Variants in DUSP19 observed in about 807,000 individuals in gnomAD.
DUSP19 encodes dual specificity phosphatase 19, also known as dual specificity protein phosphatase 19.
In DUSP19, 14 loss-of-function variants were observed where a neutral mutation model predicts 16.6. That is an observed-to-expected ratio of 0.84 (90% CI 0.56 to 1.32). The LOEUF (loss-of-function observed/expected upper bound fraction) is 1.32, where lower values mean the gene tolerates loss of function less well. Ranked by LOEUF, DUSP19 falls within the 40% of genes most tolerant of loss-of-function variation. The pLI is 0.00. For missense variants in DUSP19, 258 were observed against 255.9 expected, an observed-to-expected ratio of 1.01 and a Z score of -0.06; for synonymous variants, 81 against 90.5, an observed-to-expected ratio of 0.90 and a Z score of 0.59.
Position 183,087,179 on chromosome 2 carries a change from A to G in DUSP19, c.413A>G (p.Glu138Gly). ...CCAGAATGTTTTGAATTTATTGAAGAAGCAAAAAGAAAAGTGAGTTTTGTT... is the reference window on the plus strand; with the variant it reads ...CCAGAATGTTTTGAATTTATTGAAGGAGCAAAAAGAAAAGTGAGTTTTGTT... The part of the protein sequence containing the change: ...YFPECFEFIE[E>G]AKRKDGVVLV... The change falls in exon 3 of 4, where the codon GAA becomes GGA. Residue 138 changes from glutamate (E) to glycine (G), a missense_variant. By Grantham distance (98) the Glu-to-Gly change is moderately conservative. Transcript: ENST00000354221. 1 of 1,612,632 alleles carries G rather than the reference A, an allele frequency of 6.2e-7. No homozygotes were observed.
chr2:183,087,641 T>C (rs6755942), intron 3 of DUSP19, among the ~76,000 whole-genome samples: 20,588 of 152,298 alleles, frequency 0.14, 1,869 homozygotes, highest in African/African-American at 0.26. Flanking sequence ...AGGCTTGTTA[T>C]TGAAGTCAAC....
At chr2:183,088,111 A>G (rs962199666) in intron 3 of DUSP19, among the ~76,000 whole-genome samples, 3 of 152,176 alleles carry the variant, frequency 2.0e-5, no homozygotes, top group Admixed American at 2.0e-4. Flanking sequence ...ATAATAATGT[A>G]TTTTTACCAT....
chr2:183,091,918 T>C (rs1161145717), intron 3 of DUSP19, among the ~76,000 whole-genome samples: 1 of 152,218 alleles, frequency 6.6e-6, no homozygotes, highest in African/African-American at 2.4e-5. Flanking sequence ...CAAAGCAGTC[T>C]ACCCATCACT....
rs190508532 is a variant in DUSP19 at position 183,086,188 on chromosome 2, A to T, written c.274-852A>T. ...GGGTATGAGACCCTGTGTTATTGAT[A>T]GTTTTTAAGAGTTCATCAGGTGACT... On this transcript the variant is annotated intron_variant, in intron 2 of 3. Coordinates refer to ENST00000354221, the MANE Select transcript of DUSP19 (RefSeq NM_080876.4). Among the ~76,000 whole-genome samples the T allele has an allele frequency of 7.0e-4, 107 of 152,196 alleles. 1 individual carries two copies. Among genetic ancestry groups the T allele is most frequent in the Middle Eastern group, 3.4e-3 (1 of 294 alleles).
chr2:183,085,651 T>C (rs973336599), intron 2 of DUSP19, among the ~76,000 whole-genome samples: 1 of 151,354 alleles, frequency 6.6e-6, no homozygotes, highest in Admixed American at 6.6e-5. Context: ...TGAGCATGTT[T>C]TAAGGCTGAT....
At chr2:183,094,588 G>A (rs958706968) in intron 3 of DUSP19, among the ~76,000 whole-genome samples, 1 of 152,070 alleles carries the variant, frequency 6.6e-6, no homozygotes, top group African/African-American at 2.4e-5. Context: ...ATCAGCATTG[G>A]TCTTGCACTG....
In DUSP19 at chr2:183,079,041, A is replaced by G. The variant is rs1349839754; in HGVS notation, c.108A>G (p.Lys36=). The G allele has an allele frequency of 3.1e-6, 5 of 1,614,056 alleles. No homozygotes were observed. The African/African-American group carries it at 5.3e-5, about 17-fold the overall frequency. Residue 36 remains lysine (K), a synonymous_variant, in exon 1 of 4, where the codon AAA becomes AAG. Coordinates refer to ENST00000354221, the MANE Select transcript of DUSP19 (RefSeq NM_080876.4). The part of the protein sequence containing the change: ...LTGKKIIETW[K]DARIHVVEEV... ...GAAAGAAAATTATAGAAACATGGAA[A>G]GATGCCAGAATTCATGTTGTGGAAG...
chr2:183,087,323 C>A (rs1025841187), intron 3 of DUSP19, 131 bp downstream of exon 3: 6 of 948,672 alleles, frequency 6.3e-6, no homozygotes, highest in Non-Finnish European at 9.0e-6. Context: ...AACAATATTT[C>A]ATTATTTCCT....
In DUSP19 at chr2:183,078,786, T is replaced by A; in HGVS notation, c.-148T>A. The A allele has an allele frequency of 1.5e-6, 1 of 668,782 alleles. No individual in the cohort carries two copies. The highest frequency in any genetic ancestry group is 2.8e-5 in the Admixed American group (1 of 35,256). 41.4% of individuals were successfully genotyped at this position (668,782 alleles called of 1,614,324 possible). A position where few individuals can be genotyped will look rare whatever the true frequency, so the allele number is the denominator to read the frequency against. ...GGATAAACGGAGCTGGACGACTCAG[T>A]CTCTTGGTCTGTGGCTGCTGCGGTT... On this transcript the variant is annotated 5_prime_UTR_variant, in exon 1 of 4. Transcript: ENST00000354221.
Position 183,095,778 on chromosome 2 carries a change from A to C in DUSP19, c.*120A>C, listed in dbSNP as rs1355779040. ...CTTTTTTCTCTTGCCTTTTTTATGC[A>C]TAAATGGAGGTCAATTTGATTGTCC... On this transcript the variant is annotated 3_prime_UTR_variant, in exon 4 of 4. Coordinates refer to ENST00000354221, the MANE Select transcript of DUSP19 (RefSeq NM_080876.4). The C allele has an allele frequency of 1.5e-6, 1 of 685,712 alleles. No individual in the cohort carries two copies. The highest frequency in any genetic ancestry group is 2.4e-6 in the Non-Finnish European group (1 of 416,736). The allele number at this position is 685,712 out of a possible 1,614,324, so 42.5% of individuals were successfully genotyped here.
At chr2:183,089,552 C>T (rs893986684) in intron 3 of DUSP19, among the ~76,000 whole-genome samples, 3 of 102,572 alleles carry the variant, frequency 2.9e-5, no homozygotes, top group Admixed American at 2.3e-4. Flanking sequence ...ACTCAGAGTA[C>T]GCCTGTCTAT....
intron 2 of DUSP19, among the ~76,000 whole-genome samples, chr2:183,085,774 G>A (rs890177912): frequency 6.8e-6 from 1 of 147,096 alleles, no homozygotes; most frequent in Non-Finnish European, 1.5e-5. Flanking sequence ...GAGCCTTATC[G>A]AAGATGCACG....
At chr2:183,091,130 TCTTATTTCC>T (rs1235646035) in intron 3 of DUSP19, among the ~76,000 whole-genome samples, 1 of 152,180 alleles carries the variant, frequency 6.6e-6, no homozygotes, top group Admixed American at 6.5e-5. Context: ...CTATAATTTA[TCTTATTTCC>T]TGCTATGAGA....
At position 183,098,143 on chromosome 2, in the gene DUSP19, C is replaced by A. The variant is rs1444342877; in HGVS notation, c.*2485C>A. On this transcript the variant is annotated 3_prime_UTR_variant, in exon 4 of 4. Coordinates refer to ENST00000354221, the MANE Select transcript of DUSP19 (RefSeq NM_080876.4). ...CTCCTGACCGCAAGTGATCCACACG[C>A]CTTGGTCTCCCAAAGTGCTGGGATT... The A allele has an allele frequency of 2.0e-5, 3 of 152,224 alleles. No homozygotes were observed. The highest frequency in any genetic ancestry group is 1.9e-4 in the East Asian group (1 of 5,202). 9.4% of individuals were successfully genotyped at this position (152,224 alleles called of 1,614,324 possible). A position where few individuals can be genotyped will look rare whatever the true frequency, so the allele number is the denominator to read the frequency against.
intron 2 of DUSP19, among the ~76,000 whole-genome samples, chr2:183,085,857 T>TG (rs1699653862): frequency 5.6e-5 from 6 of 106,872 alleles, no homozygotes; most frequent in African/African-American, 1.7e-4. Context: ...GTTTTTTTTT[T>TG]TTTTTTTTTT....
chr2:183,089,802 A>G (rs1205518725), intron 3 of DUSP19, among the ~76,000 whole-genome samples: 2 of 152,186 alleles, frequency 1.3e-5, no homozygotes, highest in Admixed American at 6.5e-5. Context: ...ACCTCAGCCA[A>G]TATTTCCCTG....
chr2:183,092,323 T>C (rs532616175), intron 3 of DUSP19, among the ~76,000 whole-genome samples: 2 of 152,286 alleles, frequency 1.3e-5, no homozygotes, highest in East Asian at 1.9e-4. Context: ...GCTGCACTTA[T>C]CAACCCATGA....
chr2:183,085,927 A>T (rs777757033), intron 2 of DUSP19, among the ~76,000 whole-genome samples: 4 of 118,540 alleles, frequency 3.4e-5, no homozygotes, highest in Non-Finnish European at 6.4e-5. Flanking sequence ...GTGCAGTGGC[A>T]TGATCGTGGC....
intron 3 of DUSP19, among the ~76,000 whole-genome samples, chr2:183,089,228 G>A (rs1053992395): frequency 2.6e-5 from 4 of 152,120 alleles, no homozygotes; most frequent in South Asian, 2.1e-4. Flanking sequence ...AAAGTGATGC[G>A]TTTACCCTGC....
Sources: allele counts gnomAD v4.1 joint callset (sites outside exome capture counted in the v4.1 genomes callset), GRCh38; gene constraint gnomAD v4.1.1; transcripts MANE v1.5; gene names NCBI Gene and HGNC (gene_info 2026-07-23, HGNC 2026-07-21).